MARCHF7: variants seen among roughly 807,000 people sequenced by gnomAD.
The protein encoded by MARCHF7 is membrane associated ring-CH-type finger 7, also known as E3 ubiquitin-protein ligase MARCHF7.
MARCHF7 carries 20 observed loss-of-function variants against 76.5 expected under a neutral mutation model. The ratio of observed to expected loss-of-function variants is 0.26; its 90% CI spans 0.18 to 0.38. The LOEUF is 0.38. Among genes scored for constraint, MARCHF7 ranks in the 10% least tolerant of loss-of-function variants. The pLI is 1.00. For missense variants in MARCHF7, 797 were observed against 812.9 expected (o/e 0.98, Z 0.24); for synonymous variants, 295 against 293.0 (o/e 1.01, Z -0.07).
chr2:159,734,137 A>T (rs1364958547), intron 4 of MARCHF7: 2 of 1,179,696 alleles, frequency 1.7e-6, no homozygotes, highest in African/African-American at 1.5e-5. Context: ...AAATATTGTT[A>T]AAAAGGGGTT....
intron 4 of MARCHF7, among the ~76,000 whole-genome samples, chr2:159,729,399 G>A (rs1574252206): frequency 6.6e-6 from 1 of 152,054 alleles, no homozygotes; most frequent in African/African-American, 2.4e-5. Flanking sequence ...CGCTGGGAAC[G>A]GTGGCTCACG....
chr2:159,764,882 T>A (rs2125750136), intron 11 of MARCHF7, among the ~76,000 whole-genome samples: 1 of 148,788 alleles, frequency 6.7e-6, no homozygotes, highest in East Asian at 2.0e-4. Flanking sequence ...TGGAAGCATG[T>A]AATTTTAACT....
chr2:159,737,311 A>G (rs1703575739), intron 4 of MARCHF7, among the ~76,000 whole-genome samples: 1 of 152,202 alleles, frequency 6.6e-6, no homozygotes, highest in South Asian at 2.1e-4. Context: ...TATATGAAGA[A>G]CTCTTACCTC....
At chr2:159,750,361 T>C (rs200762707) in intron 7 of MARCHF7, among the ~76,000 whole-genome samples, 4 of 152,136 alleles carry the variant, frequency 2.6e-5, no homozygotes, top group East Asian at 1.9e-4. Context: ...CCTGTCTCTA[T>C]TAAAAATACA....
In MARCHF7 at chr2:159,734,097, CAT is replaced by C. The variant is rs1703158680; in HGVS notation, c.153+4923_153+4924del. On this transcript the variant is annotated intron_variant, in intron 4 of 11. Coordinates refer to ENST00000409175, the MANE Select transcript of MARCHF7 (RefSeq NM_001282805.2). ...CTTTAGTAACAGTAAGCAAAATTTA[CAT>C]GTTTTTAAAGGAAAATTTAATTTCT... 6.1e-6 allele frequency: 8 copies of C among 1,310,554 alleles called. No homozygotes were observed. In the South Asian group the frequency reaches 1.7e-4, roughly 28 times the overall value. The allele number at this position is 1,310,554 out of a possible 1,614,324, so 81.2% of individuals were successfully genotyped here.
intron 8 of MARCHF7, among the ~76,000 whole-genome samples, chr2:159,754,047 A>C (rs13420237): frequency 0.037 from 5,658 of 152,276 alleles, 333 homozygotes; most frequent in African/African-American, 0.12. Context: ...ACCATTTGGA[A>C]ATGTCATGTA....
chr2:159,747,645 A>T (rs1371553363), intron 6 of MARCHF7, among the ~76,000 whole-genome samples, 160 bp from the exon 7 acceptor site: 2 of 152,242 alleles, frequency 1.3e-5, no homozygotes, highest in African/African-American at 4.8e-5. Flanking sequence ...AGAAAGAGAA[A>T]TACATTTATG....
intron 8 of MARCHF7, among the ~76,000 whole-genome samples, chr2:159,755,219 A>G (rs1016687465): frequency 2.0e-5 from 3 of 152,188 alleles, no homozygotes; most frequent in Non-Finnish European, 4.4e-5. Context: ...AAGAATTGGT[A>G]CACAGGAGGG....
At chr2:159,730,965 C>T (rs1304442459) in intron 4 of MARCHF7, among the ~76,000 whole-genome samples, 1 of 152,192 alleles carries the variant, frequency 6.6e-6, no homozygotes, top group African/African-American at 2.4e-5. Context: ...TCACGGCTCA[C>T]TACAGCCTAG....
At chr2:159,746,187 G>A (rs1704857138) in intron 6 of MARCHF7, among the ~76,000 whole-genome samples, 1 of 152,038 alleles carries the variant, frequency 6.6e-6, no homozygotes, top group Non-Finnish European at 1.5e-5. Flanking sequence ...TTTTAAGAAC[G>A]TCTGTTAGAA....
At chr2:159,717,107 A>G (rs980431897) in intron 3 of MARCHF7, among the ~76,000 whole-genome samples, 1 of 152,184 alleles carries the variant, frequency 6.6e-6, no homozygotes, top group Non-Finnish European at 1.5e-5. Flanking sequence ...CTTTGTGATC[A>G]TTTATGACAC....
chr2:159,743,965 G>GTAGGA, intron 5 of MARCHF7, among the ~76,000 whole-genome samples: 1 of 127,112 alleles, frequency 7.9e-6, no homozygotes, highest in South Asian at 3.0e-4. Flanking sequence ...GGTTATTTTA[G>GTAGGA]TAGGAGTTCT....
chr2:159,724,572 T>C (rs1173398760), intron 3 of MARCHF7, among the ~76,000 whole-genome samples: 1 of 152,230 alleles, frequency 6.6e-6, no homozygotes, highest in Non-Finnish European at 1.5e-5. Context: ...CCAGTCCTTA[T>C]GTTGAATTTA....
intron 1 of MARCHF7, among the ~76,000 whole-genome samples, chr2:159,714,335 A>G (rs1443681906): frequency 6.6e-6 from 1 of 152,242 alleles, no homozygotes; most frequent in African/African-American, 2.4e-5. Context: ...TTGACATGGC[A>G]TCTGCCCTCC....
chr2:159,739,899 GTT>G (rs1703928117), intron 4 of MARCHF7, among the ~76,000 whole-genome samples: 1 of 152,164 alleles, frequency 6.6e-6, no homozygotes, highest in Non-Finnish European at 1.5e-5. Flanking sequence ...CATGAAAATT[GTT>G]TAATGAACAG....
intron 11 of MARCHF7, 114 bp downstream of exon 11, chr2:159,764,788 A>T: frequency 3.4e-6 from 2 of 584,068 alleles, no homozygotes; most frequent in South Asian, 8.8e-5. Flanking sequence ...TTATAGGCTT[A>T]GTAATACCAA....
intron 1 of MARCHF7, among the ~76,000 whole-genome samples, chr2:159,713,489 C>T (rs931935660): frequency 6.6e-6 from 1 of 152,104 alleles, no homozygotes. Context: ...GAGGTTTTCT[C>T]CCCCATTTTG....
In MARCHF7 at chr2:159,731,407, T is replaced by C. The variant is rs184315147; in HGVS notation, c.153+2232T>C. Among the ~76,000 whole-genome samples the C allele has an allele frequency of 3.2e-4, 49 of 152,314 alleles. No individual in the cohort carries two copies. The East Asian group carries it at 8.1e-3, about 25-fold the overall frequency. On this transcript the variant is annotated intron_variant, in intron 4 of 11. Transcript: ENST00000409175. The stretch of plus-strand genomic sequence containing the variant: ...ATTTATTGACATTCTCCTTAAGATA[T>C]GACCGTTTTCAAACTGTTTCTTCTA...
At chr2:159,765,617 C>G (rs182659006) in intron 11 of MARCHF7, among the ~76,000 whole-genome samples, 3 of 152,258 alleles carry the variant, frequency 2.0e-5, no homozygotes, top group Non-Finnish European at 4.4e-5. Flanking sequence ...GTGTGCATAA[C>G]ATTTTTACTT....
Sources: gnomAD v4.1 joint callset for allele counts (sites outside exome capture counted in the v4.1 genomes callset) on GRCh38, gnomAD v4.1.1 for gene constraint, MANE v1.5 for transcripts, NCBI Gene and HGNC (gene_info 2026-07-23, HGNC 2026-07-21) for gene names.